Variants in RBM4B observed in about 807,000 individuals in gnomAD.
RBM4B encodes RNA-binding protein 4B.
A neutral mutation model predicts 28.5 loss-of-function variants in RBM4B; 13 were observed. The ratio of observed to expected loss-of-function variants is 0.46; its 90% CI spans 0.30 to 0.72. The LOEUF (loss-of-function observed/expected upper bound fraction) is 0.72, where lower values mean the gene tolerates loss of function less well. RBM4B is among the 30% of genes least tolerant of loss of function. RBM4B has a pLI of 0.09. For synonymous variants in RBM4B, 167 were observed against 179.1 expected, an observed-to-expected ratio of 0.93 and a Z score of 0.54; for missense variants, 387 against 477.6, an observed-to-expected ratio of 0.81 and a Z score of 1.77.
intron 3 of RBM4B, chr11:66,665,793 C>A: frequency 7.1e-7 from 1 of 1,413,834 alleles, no homozygotes; most frequent in South Asian, 1.3e-5. Context: ...ATATATAGGA[C>A]AAGATGCAAT....
chr11:66,674,636 C>T (rs1489309555), intron 2 of RBM4B, among the ~76,000 whole-genome samples: 12 of 151,756 alleles, frequency 7.9e-5, no homozygotes, highest in African/African-American at 2.7e-4. Flanking sequence ...GGCACAATCT[C>T]GGTTTACTGC....
chr11:66,668,072 A>C (rs937430792), intron 3 of RBM4B: 2 of 153,338 alleles, frequency 1.3e-5, no homozygotes, highest in Non-Finnish European at 2.9e-5. Flanking sequence ...TGTGATATTC[A>C]TTACTAACCC....
In RBM4B at chr11:66,668,617, CCA is replaced by C. The variant is rs749516750; in HGVS notation, c.*5_*6del. The C allele has an allele frequency of 2.5e-6, 4 of 1,592,362 alleles. No individual in the cohort carries two copies. Among genetic ancestry groups the C allele is most frequent in the African/African-American group, 1.3e-5 (1 of 74,682 alleles). On this transcript the variant is annotated 3_prime_UTR_variant, in exon 3 of 4. Coordinates refer to ENST00000310046, the MANE Select transcript of RBM4B (RefSeq NM_031492.4). ...AACCATTCCCACCCATCTCTCACCT[CCA>C]GTTTTTAAAAGGCTGAGTACCGGGC... is the stretch of plus-strand genomic sequence containing the variant.
At chr11:66,676,627 G>A (rs1347316541) in intron 2 of RBM4B, 41 bp downstream of exon 2, 2 of 1,603,392 alleles carry the variant, frequency 1.2e-6, no homozygotes, top group Non-Finnish European at 1.7e-6. Context: ...TTTTGAGCTA[G>A]ACCCCACTCG....
Position 66,669,262 on chromosome 11 carries a change from T to C in RBM4B, c.442A>G (p.Ser148Gly), listed in dbSNP as rs1939377943. The change falls in exon 3 of 4, where the codon AGC becomes GGC. Residue 148 changes from serine to glycine, a missense_variant. By Grantham distance (56) the Ser-to-Gly change is moderately conservative. Transcript: ENST00000310046. ...GKRMHVQLST[S>G]RLRTAPGMGD... Reference sequence around the variant, plus strand: ...ATACCAGGGGCAGTCCGAAGCCGGCTTGTGGACAACTGCACATGCATTCTT... The same window carrying C: ...ATACCAGGGGCAGTCCGAAGCCGGCCTGTGGACAACTGCACATGCATTCTT... 6.2e-7 allele frequency: 1 copy of C among 1,614,058 alleles called. No individual in the cohort carries two copies. The highest frequency in any genetic ancestry group is 8.5e-7 in the Non-Finnish European group (1 of 1,179,922).
chr11:66,667,173 A>C (rs1939268651), intron 3 of RBM4B: 1 of 152,224 alleles, frequency 6.6e-6, no homozygotes, highest in South Asian at 2.1e-4. Flanking sequence ...AGTGATGCTC[A>C]ATTTCAAGGT....
intron 2 of RBM4B, among the ~76,000 whole-genome samples, chr11:66,669,552 T>C (rs1401029297): frequency 6.6e-6 from 1 of 151,956 alleles, no homozygotes; most frequent in Non-Finnish European, 1.5e-5. Context: ...ATTCAAGCAA[T>C]TCTCCTGCCT....
chr11:66,673,523 G>A (rs929557082), intron 2 of RBM4B, among the ~76,000 whole-genome samples: 3 of 152,148 alleles, frequency 2.0e-5, no homozygotes, highest in African/African-American at 7.2e-5. Context: ...GCGGTGGCAC[G>A]GTCTTGACTC....
intron 2 of RBM4B, among the ~76,000 whole-genome samples, chr11:66,670,748 C>T (rs907598804): frequency 2.8e-4 from 42 of 150,158 alleles, no homozygotes; most frequent in African/African-American, 1.0e-3. Context: ...GTGGAGGTTG[C>T]AGTGAGTGGA....
In RBM4B at chr11:66,675,227, C is replaced by G. The variant is rs186594191; in HGVS notation, c.412+1441G>C. On this transcript the variant is annotated intron_variant, in intron 2 of 3. Transcript: ENST00000310046. ...CACCTGTCATCATAAAGAGCTTTTACTATCAAAACACTTTCACATCGATTT... is the reference window on the plus strand; with the variant it reads ...CACCTGTCATCATAAAGAGCTTTTAGTATCAAAACACTTTCACATCGATTT... Among the ~76,000 whole-genome samples the G allele has an allele frequency of 8.5e-5, 13 of 152,342 alleles. No individual in the cohort carries two copies. In the East Asian group the frequency reaches 1.3e-3, roughly 16 times the overall value.
At chr11:66,677,380 G>A (rs550752150) in intron 1 of RBM4B, 34 of 457,016 alleles carry the variant, frequency 7.4e-5, no homozygotes, top group Non-Finnish European at 1.1e-4. Context: ...TAAAATGAGG[G>A]AAGAGAAAAG....
rs1590881674 is a variant in RBM4B at position 66,668,830 on chromosome 11, C to G, written c.874G>C (p.Ala292Pro). The G allele has an allele frequency of 6.2e-7, 1 of 1,614,054 alleles. No homozygotes were observed. The highest frequency in any genetic ancestry group is 2.2e-5 in the East Asian group (1 of 44,882). The change falls in exon 3 of 4, where the codon GCA becomes CCA. Residue 292 changes from alanine to proline, a missense_variant. By Grantham distance (27) the Ala-to-Pro change is conservative (BLOSUM62 -1). Around this residue, in one of 2 missense-constraint regions of RBM4B, gnomAD observed 226 missense variants for 220.6 expected, o/e 1.02. Coordinates refer to ENST00000310046, the MANE Select transcript of RBM4B (RefSeq NM_031492.4). Reference sequence around the variant, plus strand: ...CCATAGTAGGAGGAAGTGGTGGCTGCAGCAGCAGCCATAGCAGCTGAAGTG... The same window carrying G: ...CCATAGTAGGAGGAAGTGGTGGCTGGAGCAGCAGCCATAGCAGCTGAAGTG... Reference protein sequence around the residue: ...AATSAAMAAAAATTSSYYGRD... With the variant: ...AATSAAMAAAPATTSSYYGRD...
chr11:66,668,484 G>A (rs1225300735), intron 3 of RBM4B, 131 bp downstream of exon 3: 2 of 678,408 alleles, frequency 2.9e-6, no homozygotes, highest in Non-Finnish European at 5.0e-6. Context: ...AAATATTGAA[G>A]ACTAACATGT....
chr11:66,669,456 T>G (rs1183500027), intron 2 of RBM4B, among the ~76,000 whole-genome samples, 165 bp from the exon 3 acceptor site: 1 of 152,144 alleles, frequency 6.6e-6, no homozygotes, highest in Non-Finnish European at 1.5e-5. Context: ...TTTTTTGTTT[T>G]TTTTTTTGAG....
chr11:66,668,556 A>T lies in RBM4B; in HGVS notation c.*9+59T>A, dbSNP rs1939334784. ...GTGGCTCTAGCCACTTTTATGAAGC[A>T]TGGGTCTCTTTCAAGGGAACTAAAT... is the stretch of plus-strand genomic sequence containing the variant. On this transcript the variant is annotated intron_variant, in intron 3 of 3. Coordinates refer to ENST00000310046, the MANE Select transcript of RBM4B (RefSeq NM_031492.4). 2.1e-6 allele frequency: 3 copies of T among 1,407,820 alleles called. No individual in the cohort carries two copies. In the Admixed American group the frequency reaches 6.0e-5, roughly 28 times the overall value. The allele number at this position is 1,407,820 out of a possible 1,614,324, so 87.2% of individuals were successfully genotyped here.
At chr11:66,666,688 T>TC (rs1170899453) in intron 3 of RBM4B, 5 of 152,452 alleles carry the variant, frequency 3.3e-5, no homozygotes. Context: ...CGGAAGCATG[T>TC]CCCACCCCAT....
intron 2 of RBM4B, chr11:66,670,990 G>C (rs1034850003): frequency 1.6e-5 from 11 of 702,500 alleles, no homozygotes; most frequent in East Asian, 2.7e-5. Context: ...CATCCTGTTG[G>C]AAATAGCCCT....
At chr11:66,668,271 T>C (rs2135232880) in intron 3 of RBM4B, 1 of 198,400 alleles carries the variant, frequency 5.0e-6, no homozygotes, top group Non-Finnish European at 1.0e-5. Flanking sequence ...ATTTCAGTCT[T>C]ATCGTGTAGA....
chr11:66,672,556 C>T (rs1565095349), intron 2 of RBM4B, among the ~76,000 whole-genome samples: 2 of 147,728 alleles, frequency 1.4e-5, no homozygotes, highest in East Asian at 2.0e-4. Context: ...AGTGCAGTGG[C>T]GCAGTCTCGG....
Sources: gnomAD v4.1 joint callset for allele counts (sites outside exome capture counted in the v4.1 genomes callset) on GRCh38, gnomAD v4.1.1 for gene constraint, gnomAD v4.1.1 regional missense constraint, MANE v1.5 for transcripts, NCBI Gene and HGNC (gene_info 2026-07-23, HGNC 2026-07-21) for gene names.